BBX: variants seen among roughly 807,000 people sequenced by gnomAD.
BBX encodes the protein BBX high mobility group box domain containing.
A neutral mutation model predicts 100.2 loss-of-function variants in BBX; 30 were observed. The ratio of observed to expected loss-of-function variants is 0.30; its 90% confidence interval spans 0.22 to 0.41. The LOEUF is 0.41. Ranked by LOEUF, BBX falls within the 10% of genes least tolerant of loss-of-function variation. The pLI, the probability that BBX is intolerant of heterozygous loss-of-function variation, is 1.00. For synonymous variants in BBX, 376 were observed against 388.1 expected (o/e 0.97, Z 0.37); for missense variants, 1,023 against 1,129.8 (o/e 0.91, Z 1.35).
At chr3:107,785,014 A>G (rs1214819136) in intron 13 of BBX, among the ~76,000 whole-genome samples, 1 of 151,834 alleles carries the variant, frequency 6.6e-6, no homozygotes, top group East Asian at 1.9e-4. Flanking sequence ...AAAGGATTAT[A>G]AAACAATACT....
At chr3:107,763,720 A>T (rs2066119079) in intron 10 of BBX, among the ~76,000 whole-genome samples, 1 of 152,186 alleles carries the variant, frequency 6.6e-6, no homozygotes, top group Non-Finnish European at 1.5e-5. Context: ...ACATGGTCTA[A>T]CATGCACATC....
intron 3 of BBX, among the ~76,000 whole-genome samples, chr3:107,693,377 A>G (rs1402974359): frequency 1.3e-5 from 2 of 151,692 alleles, no homozygotes; most frequent in Non-Finnish European, 2.9e-5. Flanking sequence ...ACTTTTGTAT[A>G]AGGTGTAAGG....
In BBX at chr3:107,765,513, T is replaced by C. The variant is rs746940269; in HGVS notation, c.907-7115T>C. Among the ~76,000 whole-genome samples the C allele has an allele frequency of 2.5e-4, 38 of 152,186 alleles. 1 individual carries two copies. Among genetic ancestry groups the C allele is most frequent in the Non-Finnish European group, 4.7e-4 (32 of 67,990 alleles). ...TTTTTCTTGAGACAGGGTCTTTCTG[T>C]GTTGCCCACACTGGTCTGAAACTCC... is the stretch of plus-strand genomic sequence containing the variant. On this transcript the variant is annotated intron_variant, in intron 10 of 17. Transcript: ENST00000325805.
intron 16 of BBX, among the ~76,000 whole-genome samples, chr3:107,799,783 G>A (rs973307784): frequency 6.6e-6 from 1 of 152,146 alleles, no homozygotes; most frequent in Non-Finnish European, 1.5e-5. Context: ...ATGGCCTGTT[G>A]TCTGTTTGCT....
At chr3:107,623,191 A>G (rs1297268484) in intron 2 of BBX, among the ~76,000 whole-genome samples, 1 of 152,160 alleles carries the variant, frequency 6.6e-6, no homozygotes, top group Non-Finnish European at 1.5e-5. Context: ...TACAGTTTCC[A>G]TGATTGTGCC....
At chr3:107,798,371 G>A (rs182989166) in intron 15 of BBX, 152 bp from the exon 16 acceptor site, 14 of 718,574 alleles carry the variant, frequency 1.9e-5, no homozygotes, top group East Asian at 1.9e-4. Context: ...TAGGGGCAAC[G>A]TTTTATTTCA....
At chr3:107,636,964 T>A (rs1353317103) in intron 2 of BBX, among the ~76,000 whole-genome samples, 3 of 152,204 alleles carry the variant, frequency 2.0e-5, no homozygotes, top group African/African-American at 7.2e-5. Flanking sequence ...TAAAGGAGAA[T>A]TACTCTTCAT....
chr3:107,587,059 C>G (rs1322844157), intron 2 of BBX, among the ~76,000 whole-genome samples: 2 of 152,058 alleles, frequency 1.3e-5, no homozygotes, highest in African/African-American at 4.8e-5. Flanking sequence ...CTGGCCGATT[C>G]CACACTTTTG....
intron 3 of BBX, chr3:107,646,132 C>A (rs1222593520): frequency 2.0e-5 from 3 of 152,046 alleles, no homozygotes. Flanking sequence ...TTAAAACTAG[C>A]GGTTTCAAAA....
chr3:107,706,201 G>C (rs1576432150), intron 3 of BBX, among the ~76,000 whole-genome samples: 1 of 151,670 alleles, frequency 6.6e-6, no homozygotes, highest in South Asian at 2.1e-4. Flanking sequence ...TTTTTGTATT[G>C]TTAGTAGAAA....
intron 2 of BBX, among the ~76,000 whole-genome samples, chr3:107,580,768 A>T (rs765674756): frequency 6.6e-6 from 1 of 152,126 alleles, no homozygotes; most frequent in Non-Finnish European, 1.5e-5. Context: ...AGTAGCTGGG[A>T]TTACAGGCAT....
In BBX at chr3:107,533,878, T is replaced by C. The variant is rs149451197; in HGVS notation, c.-84+7480T>C. Among the ~76,000 whole-genome samples the C allele has an allele frequency of 2.6e-4, 40 of 152,334 alleles. 1 individual carries two copies. The highest frequency in any genetic ancestry group is 9.4e-4 in the African/African-American group (39 of 41,590). On this transcript the variant is annotated intron_variant, in intron 2 of 17. Transcript: ENST00000325805. ...ATAGACAGTGTTTTCTGTAATTTAG[T>C]CTGTTCTCAGATGAGAATGTTTTCA...
chr3:107,641,486 C>T (rs2057210346), intron 2 of BBX, among the ~76,000 whole-genome samples: 1 of 152,196 alleles, frequency 6.6e-6, no homozygotes, highest in Non-Finnish European at 1.5e-5. Context: ...CCCATCTGAA[C>T]CAATGAATGC....
chr3:107,703,917 C>T lies in BBX; in HGVS notation c.-9-6535C>T, dbSNP rs555583824. Among the ~76,000 whole-genome samples the T allele has an allele frequency of 1.2e-4, 19 of 152,314 alleles. No individual in the cohort carries two copies. The East Asian group carries it at 3.7e-3, about 29-fold the overall frequency. On this transcript the variant is annotated intron_variant, in intron 3 of 17. Transcript: ENST00000325805. ...AAAAGTGGTGTTCCCTTACCAGCCC[C>T]TTAATGCTTCCTTTTGGTATTTTCA...
chr3:107,716,596 G>T lies in BBX; in HGVS notation c.163-11G>T, dbSNP rs1245010234. On this transcript the variant is annotated splice_polypyrimidine_tract_variant and intron_variant, in intron 4 of 17. Transcript: ENST00000325805. ...ATGTTAAAGATCTGGCTTTGTTTTTGGTGGTAATAGGTTCAACTTCTTGGG... is the reference window on the plus strand; with the variant it reads ...ATGTTAAAGATCTGGCTTTGTTTTTTGTGGTAATAGGTTCAACTTCTTGGG... 1.4e-5 allele frequency: 22 copies of T among 1,607,990 alleles called. 1 individual carries two copies. Among genetic ancestry groups the T allele is most frequent in the South Asian group, 1.3e-4 (12 of 90,786 alleles).
intron 3 of BBX, among the ~76,000 whole-genome samples, chr3:107,653,518 A>T (rs1343775105): frequency 6.6e-6 from 1 of 152,178 alleles, no homozygotes; most frequent in Non-Finnish European, 1.5e-5. Context: ...CTATATTCAA[A>T]TTGATCTATG....
chr3:107,719,496 T>A (rs958382737), intron 5 of BBX, among the ~76,000 whole-genome samples: 2 of 152,042 alleles, frequency 1.3e-5, no homozygotes, highest in Non-Finnish European at 2.9e-5. Context: ...GATTATCTTA[T>A]TGCATCTGGT....
chr3:107,610,118 A>C (rs2054733051), intron 2 of BBX, among the ~76,000 whole-genome samples: 1 of 151,962 alleles, frequency 6.6e-6, no homozygotes, highest in Admixed American at 6.6e-5. Flanking sequence ...TTCCTTCTTA[A>C]TTTCTTCCTT....
intron 3 of BBX, among the ~76,000 whole-genome samples, chr3:107,690,885 C>CG (rs1342238550): frequency 1.5e-5 from 1 of 66,820 alleles, no homozygotes; most frequent in African/African-American, 4.2e-5. Context: ...CTTTGATGCC[C>CG]CCCCCCCTTT....
Sources: allele counts gnomAD v4.1 joint callset (sites outside exome capture counted in the v4.1 genomes callset), GRCh38; gene constraint gnomAD v4.1.1; transcripts MANE v1.5; gene names NCBI Gene and HGNC (gene_info 2026-07-23, HGNC 2026-07-21).